Variants in SLC28A1 observed in about 807,000 individuals in gnomAD.
SLC28A1 encodes sodium/nucleoside cotransporter 1.
SLC28A1 carries 64 observed loss-of-function variants against 74.8 expected under a neutral mutation model. The observed-to-expected ratio is 0.86, with a 90% CI of 0.70 to 1.05. SLC28A1 has a LOEUF of 1.05. Among genes scored for constraint, SLC28A1 ranks in the 50% least tolerant of loss-of-function variants. The pLI is 0.00. For synonymous variants in SLC28A1, 359 were observed against 335.0 expected, an observed-to-expected ratio of 1.07 and a Z score of -0.78; for missense variants, 828 against 822.8, an observed-to-expected ratio of 1.01 and a Z score of -0.08.
At chr15:84,925,271 G>A (rs2141948047) in intron 12 of SLC28A1, among the ~76,000 whole-genome samples, 1 of 151,942 alleles carries the variant, frequency 6.6e-6, no homozygotes. Flanking sequence ...GGGGTCCATG[G>A]ACCAGCATTG....
chr15:84,908,592 C>CG (rs1046285607), intron 8 of SLC28A1, 126 bp from the exon 9 acceptor site: 32 of 768,676 alleles, frequency 4.2e-5, no homozygotes, highest in South Asian at 2.6e-4. Context: ...GTGGTGCCCC[C>CG]CCCCGGATAA....
the SLC28A1 span, among the ~76,000 whole-genome samples, chr15:84,962,877 C>G: frequency 6.6e-6 from 1 of 152,194 alleles, no homozygotes; most frequent in African/African-American, 2.4e-5. Flanking sequence ...CTGGTACACT[C>G]AGGGAGAGTG....
chr15:84,887,826 G>A lies in SLC28A1; in HGVS notation c.66G>A (p.Glu22=). 6.2e-7 allele frequency: 1 copy of A among 1,613,940 alleles called. No homozygotes were observed. Among genetic ancestry groups the A allele is most frequent in the South Asian group, 1.1e-5 (1 of 91,076 alleles). The change falls in exon 3 of 19, where the codon GAG becomes GAA. Residue 22 remains glutamate, a synonymous_variant. Coordinates refer to ENST00000394573, the MANE Select transcript of SLC28A1 (RefSeq NM_004213.5). ...TCACACCTGTGGCCAAGGGTCTGGAGAACATGGGGGCTGATTTCTTGGAAA... is the reference window on the plus strand; with the variant it reads ...TCACACCTGTGGCCAAGGGTCTGGAAAACATGGGGGCTGATTTCTTGGAAA... The part of the protein sequence containing the change: ...ISLTPVAKGL[E]NMGADFLESL...
chr15:84,904,147 A>T lies in SLC28A1; in HGVS notation c.512A>T (p.Asp171Val). The T allele has an allele frequency of 6.2e-7, 1 of 1,614,086 alleles. No homozygotes were observed. The highest frequency in any genetic ancestry group is 8.5e-7 in the Non-Finnish European group (1 of 1,180,018). Residue 171 changes from aspartate to valine, a missense_variant, in exon 7 of 19, where the codon GAC (aspartate) becomes GTC (valine). Physicochemically the swap from Asp to Val is radical, Grantham distance 152. Around this residue, in one of 3 missense-constraint regions of SLC28A1, gnomAD observed 767 missense variants for 753.5 expected, o/e 1.02. Coordinates refer to ENST00000394573, the MANE Select transcript of SLC28A1 (RefSeq NM_004213.5). ...GGCCTGGTCCTGTGGCTGTCTCTGG[A>T]CACCTCCCAGCGGCCTGAGCAACTG... ...FLGLVLWLSL[D>V]TSQRPEQLVS...
At chr15:84,963,559 T>C in the SLC28A1 span, among the ~76,000 whole-genome samples, 2 of 152,074 alleles carry the variant, frequency 1.3e-5, no homozygotes, top group Non-Finnish European at 2.9e-5. Flanking sequence ...CACAACACAG[T>C]ATGGGACAGG....
At chr15:84,946,084 T>TTATATATATATATATATATATATA (rs1567196223), downstream of SLC28A1, among the ~76,000 whole-genome samples, 12 of 27,552 alleles carry the variant, frequency 4.4e-4, no homozygotes, top group African/African-American at 1.9e-3. Flanking sequence ...GTGTGTATGT[T>TTATATATATATATATATATATATA]CATATATATA....
the SLC28A1 span, among the ~76,000 whole-genome samples, chr15:84,954,249 C>G: frequency 1.3e-5 from 2 of 152,152 alleles, no homozygotes; most frequent in Non-Finnish European, 2.9e-5. Context: ...GAAGCAATCA[C>G]TGTGACCAGG....
chr15:84,973,891 G>A, the SLC28A1 span, among the ~76,000 whole-genome samples: 3 of 152,086 alleles, frequency 2.0e-5, no homozygotes, highest in Admixed American at 1.3e-4. Flanking sequence ...TTTTCCAGCC[G>A]CACCACCATT....
intron 12 of SLC28A1, among the ~76,000 whole-genome samples, chr15:84,930,339 C>T (rs1368786360): frequency 3.3e-5 from 5 of 152,202 alleles, no homozygotes; most frequent in African/African-American, 4.8e-5. Flanking sequence ...GGACACCTGC[C>T]CCAAGTGGGT....
At chr15:84,957,659 C>G in the SLC28A1 span, among the ~76,000 whole-genome samples, 1 of 152,206 alleles carries the variant, frequency 6.6e-6, no homozygotes, top group Non-Finnish European at 1.5e-5. Context: ...GCTCTTAATT[C>G]TATTCCATTT....
At chr15:84,910,683 A>G (rs553523374) in intron 9 of SLC28A1, among the ~76,000 whole-genome samples, 17 of 152,138 alleles carry the variant, frequency 1.1e-4, no homozygotes, top group East Asian at 7.7e-4. Context: ...AGCTGAGATC[A>G]TGCCATTGCA....
At chr15:84,888,975 A>C in intron 4 of SLC28A1, 115 bp downstream of exon 4, 1 of 760,126 alleles carries the variant, frequency 1.3e-6, no homozygotes, top group Non-Finnish European at 2.3e-6. Flanking sequence ...CCTTTGTTGA[A>C]GGGAGGAATA....
intron 15 of SLC28A1, among the ~76,000 whole-genome samples, chr15:84,937,901 A>C (rs1319099773): frequency 2.1e-5 from 3 of 144,596 alleles, no homozygotes; most frequent in African/African-American, 5.2e-5. Flanking sequence ...TGTCTCAAAA[A>C]ACAAAACAAA....
At chr15:84,946,102 ATATATATATATTTTTTTTTTTT>A (rs2079209296), downstream of SLC28A1, among the ~76,000 whole-genome samples, 3 of 13,646 alleles carry the variant, frequency 2.2e-4, no homozygotes, top group African/African-American at 7.1e-4. Context: ...ATATATATAT[ATATATATATATTTTTTTTTTTT>A]TTTTTTTTTT....
At chr15:84,887,394 G>A (rs1964717824) in intron 2 of SLC28A1, 24 of 985,442 alleles carry the variant, frequency 2.4e-5, no homozygotes, top group Non-Finnish European at 2.9e-5. Context: ...AGGTTCAGAT[G>A]TGGGTGCAGG....
chr15:84,935,547 A>C (rs1567181833), intron 15 of SLC28A1, 29 bp downstream of exon 15: 1 of 1,594,890 alleles, frequency 6.3e-7, no homozygotes, highest in South Asian at 1.1e-5. Context: ...TCCCTGCAGC[A>C]GGGGGATGAC....
At chr15:84,951,274 C>T in the SLC28A1 span, among the ~76,000 whole-genome samples, 1 of 151,906 alleles carries the variant, frequency 6.6e-6, no homozygotes, top group African/African-American at 2.4e-5. Context: ...ATGGTGAAAC[C>T]CCTTCGAGAA....
intron 8 of SLC28A1, among the ~76,000 whole-genome samples, chr15:84,906,560 CTTTCT>C (rs1967217864): frequency 7.1e-5 from 6 of 83,918 alleles, no homozygotes; most frequent in African/African-American, 2.1e-4. Context: ...TTCTTTCTTT[CTTTCT>C]CTTTCTTTCT....
intron 1 of SLC28A1, among the ~76,000 whole-genome samples, chr15:84,885,329 A>G (rs1964465092): frequency 6.6e-6 from 1 of 151,714 alleles, no homozygotes; most frequent in Non-Finnish European, 1.5e-5. Flanking sequence ...ATGGGCTCTC[A>G]ACAGTGTGCG....
Sources: gnomAD v4.1 joint callset for allele counts (sites outside exome capture counted in the v4.1 genomes callset) on GRCh38, gnomAD v4.1.1 for gene constraint, gnomAD v4.1.1 regional missense constraint, MANE v1.5 for transcripts, NCBI Gene and HGNC (gene_info 2026-07-23, HGNC 2026-07-21) for gene names.